CFAP97D2: variants seen among roughly 807,000 people sequenced by gnomAD.
CFAP97D2 encodes CFAP97 domain containing 2, also known as uncharacterized protein CFAP97D2.
intron 2 of CFAP97D2, among the ~76,000 whole-genome samples, chr13:114,197,309 T>A (rs1207191797): frequency 6.6e-6 from 1 of 152,242 alleles, no homozygotes; most frequent in East Asian, 1.9e-4. Flanking sequence ...ATCTATCATG[T>A]TGGTATCTTA....
intron 1 of CFAP97D2, among the ~76,000 whole-genome samples, chr13:114,181,544 G>A (rs1280581922): frequency 1.3e-5 from 2 of 152,116 alleles, no homozygotes; most frequent in Non-Finnish European, 2.9e-5. Flanking sequence ...GAGCAGCCGG[G>A]GCTGGAAGCA....
At chr13:114,209,236 A>G (rs73572953) in intron 3 of CFAP97D2, among the ~76,000 whole-genome samples, 4,142 of 152,314 alleles carry the variant, frequency 0.027, 181 homozygotes, top group African/African-American at 0.094. Context: ...CGCATCCAAC[A>G]CAGCTAATTT....
intron 4 of CFAP97D2, among the ~76,000 whole-genome samples, chr13:114,217,969 A>G (rs9562091): frequency 0.21 from 32,322 of 152,094 alleles, 4,375 homozygotes; most frequent in East Asian, 0.45. Context: ...CTGGCACAAG[A>G]CAGGGATGCC....
At chr13:114,212,304 C>G in intron 4 of CFAP97D2, 1 of 385,036 alleles carries the variant, frequency 2.6e-6, no homozygotes, top group Non-Finnish European at 4.6e-6. Flanking sequence ...CCTCACCCAC[C>G]ACGCATTTGT....
chr13:114,194,750 A>G (rs547882158), intron 1 of CFAP97D2, among the ~76,000 whole-genome samples: 3 of 152,350 alleles, frequency 2.0e-5, no homozygotes, highest in African/African-American at 7.2e-5. Context: ...TAATGTTTAA[A>G]TTAAACAAGA....
chr13:114,200,211 C>T (rs1019003409), intron 2 of CFAP97D2, 114 bp from the exon 3 acceptor site: 19 of 388,674 alleles, frequency 4.9e-5, no homozygotes, highest in Non-Finnish European at 1.3e-5. Flanking sequence ...GCGCACTCGC[C>T]GATATGAGAC....
chr13:114,202,239 C>G (rs2080921416), intron 3 of CFAP97D2, among the ~76,000 whole-genome samples: 1 of 152,138 alleles, frequency 6.6e-6, no homozygotes, highest in African/African-American at 2.4e-5. Flanking sequence ...TGGGCTATTA[C>G]AAATAAGGCT....
At chr13:114,188,695 T>C (rs2080859000) in intron 1 of CFAP97D2, among the ~76,000 whole-genome samples, 1 of 148,372 alleles carries the variant, frequency 6.7e-6, no homozygotes, top group Non-Finnish European at 1.5e-5. Context: ...GAGAATGGCA[T>C]GAACCCCGGA....
At chr13:114,193,164 A>G (rs528939258) in intron 1 of CFAP97D2, among the ~76,000 whole-genome samples, 12 of 152,354 alleles carry the variant, frequency 7.9e-5, no homozygotes, top group Admixed American at 6.5e-4. Context: ...TTTACAATAG[A>G]TATTTTATTT....
chr13:114,193,152 A>G (rs1481508021), intron 1 of CFAP97D2, among the ~76,000 whole-genome samples: 1 of 152,220 alleles, frequency 6.6e-6, no homozygotes, highest in East Asian at 1.9e-4. Flanking sequence ...GCATAAAAAT[A>G]TTTTACAATA....
At chr13:114,192,219 C>G (rs1485211176) in intron 1 of CFAP97D2, among the ~76,000 whole-genome samples, 1 of 152,046 alleles carries the variant, frequency 6.6e-6, no homozygotes, top group Non-Finnish European at 1.5e-5. Flanking sequence ...CTAACGTAAA[C>G]TATGGGTTTT....
chr13:114,182,606 G>A (rs201950189), intron 1 of CFAP97D2, among the ~76,000 whole-genome samples: 24 of 152,258 alleles, frequency 1.6e-4, no homozygotes, highest in African/African-American at 4.3e-4. Flanking sequence ...AGGTCCCTGC[G>A]GCTTTCTGCA....
chr13:114,222,503 A>T lies in CFAP97D2; in HGVS notation c.486A>T (p.Glu162Asp), dbSNP rs983427221. Residue 162 changes from glutamate to aspartate, a missense_variant, in exon 5 of 5, where the codon GAA becomes GAT. Glu to Asp is a conservative substitution (Grantham distance 45). Transcript: ENST00000646158. This position sits in a 1 kb window ranked among gnomAD's most constrained non-coding sequence, Gnocchi z 4.4. ...AATATGTATTTTAAATCCAGCAGGAAGTGAAACTGGATTAGCAAGCGCACA... is the reference window on the plus strand; with the variant it reads ...AATATGTATTTTAAATCCAGCAGGATGTGAAACTGGATTAGCAAGCGCACA... 14 of 398,678 alleles carry T rather than the reference A, an allele frequency of 3.5e-5. No individual in the cohort carries two copies. Among genetic ancestry groups the T allele is most frequent in the African/African-American group, 2.1e-4 (10 of 48,770 alleles). 24.7% of individuals were successfully genotyped at this position (398,678 alleles called of 1,614,324 possible). A position where few individuals can be genotyped will look rare whatever the true frequency, so the allele number is the denominator to read the frequency against.
intron 1 of CFAP97D2, among the ~76,000 whole-genome samples, chr13:114,191,468 G>C (rs920363440): frequency 6.6e-6 from 1 of 152,140 alleles, no homozygotes; most frequent in African/African-American, 2.4e-5. Flanking sequence ...AAAGACCTTA[G>C]CAGACACCTC....
At chr13:114,209,285 A>G (rs987408271) in intron 3 of CFAP97D2, among the ~76,000 whole-genome samples, 36 of 152,228 alleles carry the variant, frequency 2.4e-4, no homozygotes, top group Non-Finnish European at 2.9e-5. Flanking sequence ...TCATCATTTA[A>G]GCACAGTAAA....
chr13:114,181,112 T>G (rs760105530), intron 1 of CFAP97D2, among the ~76,000 whole-genome samples: 2 of 152,186 alleles, frequency 1.3e-5, no homozygotes, highest in African/African-American at 2.4e-5. Flanking sequence ...GAACCTATGA[T>G]TCTGGCACGA....
intron 3 of CFAP97D2, among the ~76,000 whole-genome samples, chr13:114,206,767 C>T (rs1252744905): frequency 3.0e-4 from 45 of 152,284 alleles, no homozygotes; most frequent in Non-Finnish European, 1.2e-4. Flanking sequence ...TTGAACTGCA[C>T]ACGATAAATG....
intron 1 of CFAP97D2, 34 bp from the exon 2 acceptor site, chr13:114,196,362 T>G (rs917322388): frequency 7.5e-6 from 3 of 399,530 alleles, no homozygotes; most frequent in Non-Finnish European, 1.3e-5. Flanking sequence ...TTTCCAATAC[T>G]GCGCCCAGGT....
chr13:114,182,382 T>A (rs1409416090), intron 1 of CFAP97D2, among the ~76,000 whole-genome samples: 4 of 152,172 alleles, frequency 2.6e-5, no homozygotes, highest in Non-Finnish European at 5.9e-5. Flanking sequence ...TCGGGTTTTA[T>A]ACCGAGACAT....
Sources: allele counts gnomAD v4.1 joint callset (sites outside exome capture counted in the v4.1 genomes callset), GRCh38; gene constraint gnomAD v4.1.1; non-coding constraint Gnocchi (gnomAD v3.1); transcripts MANE v1.5; gene names NCBI Gene and HGNC (gene_info 2026-07-23, HGNC 2026-07-21).